DUSP29: variants seen among roughly 807,000 people sequenced by gnomAD.
DUSP29 encodes atypical dual-specific protein phosphatase.
A neutral mutation model predicts 13.5 loss-of-function variants in DUSP29; 12 were observed. That is an observed-to-expected ratio of 0.89 (90% CI 0.57 to 1.44). DUSP29 has a LOEUF of 1.44. DUSP29 is among the 40% of genes most tolerant of loss of function. The pLI, the probability that DUSP29 is intolerant of heterozygous loss-of-function variation, is 0.00. For synonymous variants in DUSP29, 134 were observed against 128.7 expected, an observed-to-expected ratio of 1.04 and a Z score of -0.28; for missense variants, 308 against 301.1, an observed-to-expected ratio of 1.02 and a Z score of -0.17.
intron 1 of DUSP29, among the ~76,000 whole-genome samples, chr10:75,060,992 C>G (rs1847075930): frequency 6.6e-6 from 1 of 152,098 alleles, no homozygotes; most frequent in South Asian, 2.1e-4. Flanking sequence ...GATGGGCTGG[C>G]TATGAGTGAT....
At chr10:75,067,072 C>T (rs1270734336) in intron 1 of DUSP29, among the ~76,000 whole-genome samples, 6 of 151,208 alleles carry the variant, frequency 4.0e-5, no homozygotes, top group Non-Finnish European at 8.8e-5. Context: ...ATTCTCCTGC[C>T]TCAGCCTCTC....
At chr10:75,060,480 A>AC (rs1398294297) in intron 1 of DUSP29, among the ~76,000 whole-genome samples, 1 of 152,086 alleles carries the variant, frequency 6.6e-6, no homozygotes, top group East Asian at 1.9e-4. Flanking sequence ...AAAAAAAAAA[A>AC]AAAAACCCAA....
At position 75,037,873 on chromosome 10, in the gene DUSP29, C is replaced by T. The variant is rs372145105; in HGVS notation, c.626G>A (p.Arg209His). 1.3e-5 allele frequency: 21 copies of T among 1,611,916 alleles called. No homozygotes were observed. Among genetic ancestry groups the T allele is most frequent in the East Asian group, 1.1e-4 (5 of 44,846 alleles). The stretch of plus-strand genomic sequence containing the variant: ...GCCATCCTCCTCCTCACCGTCCTGG[C>T]GCTGGGACCGTCGCCTCTGCTGCAC... ...QLVQQRRRSQRQDGEEEDGRE... is the reference protein window; with the variant it reads ...QLVQQRRRSQHQDGEEEDGRE... Residue 209 changes from arginine to histidine, a missense_variant, in exon 4 of 4, where the codon CGC becomes CAC. Arg to His is a conservative substitution (Grantham distance 29). Transcript: ENST00000338487.
chr10:75,060,861 G>A (rs913734055), intron 1 of DUSP29, among the ~76,000 whole-genome samples: 5 of 152,170 alleles, frequency 3.3e-5, no homozygotes, highest in African/African-American at 9.7e-5. Context: ...GGACAGTTAC[G>A]TTATACCACA....
At chr10:75,038,565 T>C (rs1040629663) in intron 3 of DUSP29, among the ~76,000 whole-genome samples, 3 of 152,076 alleles carry the variant, frequency 2.0e-5, no homozygotes, top group African/African-American at 7.2e-5. Flanking sequence ...AACCAAAGCG[T>C]TTCTTCCTCT....
chr10:75,073,595 C>T lies in DUSP29; in HGVS notation c.-61G>A, dbSNP rs550863669. Among the ~76,000 whole-genome samples the T allele has an allele frequency of 5.3e-5, 8 of 152,200 alleles. No individual in the cohort carries two copies. The highest frequency in any genetic ancestry group is 3.9e-4 in the East Asian group (2 of 5,172). ...TGGGTGTGCCGGGGCCTGGCCGCGT[C>T]GGGAGGTTCTGGTCCGTGGGGCATG... is the stretch of plus-strand genomic sequence containing the variant. On this transcript the variant is annotated 5_prime_UTR_variant, in exon 1 of 4. Coordinates refer to ENST00000338487, the MANE Select transcript of DUSP29 (RefSeq NM_001003892.3).
intron 1 of DUSP29, among the ~76,000 whole-genome samples, 163 bp downstream of exon 1, chr10:75,073,406 C>G (rs541857959): frequency 6.6e-6 from 1 of 152,208 alleles, no homozygotes; most frequent in African/African-American, 2.4e-5. Context: ...TGGTGTCTCT[C>G]GTAAAAGGAC....
chr10:75,038,666 C>T (rs2134278295), intron 3 of DUSP29, among the ~76,000 whole-genome samples: 1 of 130,202 alleles, frequency 7.7e-6, no homozygotes, highest in East Asian at 2.5e-4. Context: ...GGCCTGAATT[C>T]TGTTAAGTGG....
chr10:75,054,149 C>T (rs113353794), intron 2 of DUSP29, among the ~76,000 whole-genome samples: 11 of 152,126 alleles, frequency 7.2e-5, no homozygotes, highest in African/African-American at 2.2e-4. Context: ...AGGATCTGGA[C>T]TTGGACATGA....
At chr10:75,068,426 A>G (rs529401070) in intron 1 of DUSP29, among the ~76,000 whole-genome samples, 3 of 152,176 alleles carry the variant, frequency 2.0e-5, no homozygotes, top group Non-Finnish European at 4.4e-5. Context: ...GCAGCGAGCT[A>G]TGATCATGCC....
chr10:75,069,810 G>C (rs374700101), intron 1 of DUSP29, among the ~76,000 whole-genome samples: 1 of 152,180 alleles, frequency 6.6e-6, no homozygotes, highest in African/African-American at 2.4e-5. Context: ...GGGAGGCCAA[G>C]GCAGGCGGAT....
chr10:75,063,624 G>A (rs1333415244), intron 1 of DUSP29, among the ~76,000 whole-genome samples: 1 of 151,968 alleles, frequency 6.6e-6, no homozygotes. Flanking sequence ...TGCCCAGAGT[G>A]GGACTCTGCT....
intron 2 of DUSP29, among the ~76,000 whole-genome samples, chr10:75,057,162 C>T (rs944531111): frequency 2.0e-5 from 3 of 151,848 alleles, no homozygotes; most frequent in African/African-American, 4.8e-5. Flanking sequence ...GTAATCCCAG[C>T]TACTTGGGAA....
At chr10:75,055,658 TAG>T (rs1437310347) in intron 2 of DUSP29, among the ~76,000 whole-genome samples, 2 of 152,192 alleles carry the variant, frequency 1.3e-5, no homozygotes, top group Non-Finnish European at 2.9e-5. Context: ...ATTCTGAAAT[TAG>T]AGAGTGGTGA....
chr10:75,043,728 A>C (rs1194047951), intron 3 of DUSP29, 69 bp downstream of exon 3: 7 of 1,362,016 alleles, frequency 5.1e-6, no homozygotes, highest in Admixed American at 4.7e-5. Flanking sequence ...GCGGGGCCTA[A>C]GCTACGGGCG....
intron 1 of DUSP29, among the ~76,000 whole-genome samples, chr10:75,058,926 C>T (rs1338670337): frequency 2.6e-5 from 4 of 152,180 alleles, no homozygotes; most frequent in Non-Finnish European, 4.4e-5. Flanking sequence ...CCATTTGGGA[C>T]CCAAAATAGG....
intron 1 of DUSP29, among the ~76,000 whole-genome samples, chr10:75,066,793 C>T (rs913796675): frequency 6.6e-6 from 1 of 152,092 alleles, no homozygotes; most frequent in East Asian, 1.9e-4. Flanking sequence ...GGGAGCCCCC[C>T]GAAGGCAGCT....
chr10:75,052,587 G>C (rs770322602), intron 2 of DUSP29, among the ~76,000 whole-genome samples: 16 of 152,158 alleles, frequency 1.1e-4, no homozygotes, highest in Non-Finnish European at 2.2e-4. Context: ...GATTACAGGC[G>C]TGAGCCAACG....
chr10:75,043,716 G>GGGC (rs1846635301), intron 3 of DUSP29, 81 bp downstream of exon 3: 2 of 1,296,660 alleles, frequency 1.5e-6, no homozygotes, highest in Non-Finnish European at 2.1e-6. Context: ...GGCGGGGAAG[G>GGGC]GGCGGGGCCT....
Sources: gnomAD v4.1 joint callset for allele counts (sites outside exome capture counted in the v4.1 genomes callset) on GRCh38, gnomAD v4.1.1 for gene constraint, MANE v1.5 for transcripts, NCBI Gene and HGNC (gene_info 2026-07-23, HGNC 2026-07-21) for gene names.